Variants in PKD2 observed in about 807,000 individuals in gnomAD.
The protein encoded by PKD2 is polycystin-2.
In PKD2, 48 loss-of-function variants were observed where a neutral mutation model predicts 105.9. That is an observed-to-expected ratio of 0.45 (90% CI 0.36 to 0.58). The LOEUF (loss-of-function observed/expected upper bound fraction) is 0.58. PKD2 is among the 20% of genes least tolerant of loss of function. The pLI, the probability that PKD2 is intolerant of heterozygous loss-of-function variation, is 0.00. For missense variants in PKD2, 1,078 were observed against 1,255.3 expected (o/e 0.86, Z 2.13); for synonymous variants, 464 against 481.1 (o/e 0.96, Z 0.46).
chr4:88,032,401 C>T (rs1445431555), intron 2 of PKD2, among the ~76,000 whole-genome samples: 1 of 152,198 alleles, frequency 6.6e-6, no homozygotes, highest in African/African-American at 2.4e-5. Context: ...CGATGGCTCA[C>T]ACCTGTAATC....
chr4:88,046,518 G>T, intron 5 of PKD2, 124 bp from the exon 6 acceptor site: 2 of 727,996 alleles, frequency 2.7e-6, no homozygotes, highest in Admixed American at 3.8e-5. Context: ...CCGCTAGTTT[G>T]GGGGGACTCA....
chr4:88,017,540 G>T (rs553544509), intron 1 of PKD2, among the ~76,000 whole-genome samples: 1 of 152,110 alleles, frequency 6.6e-6, no homozygotes, highest in Non-Finnish European at 1.5e-5. Flanking sequence ...CTCCCATGTA[G>T]CTGGGATTAC....
In PKD2 at chr4:88,023,529, G is replaced by A. The variant is rs529608138; in HGVS notation, c.709+3958G>A. Among the ~76,000 whole-genome samples, 135 of 152,304 alleles carry A rather than the reference G, an allele frequency of 8.9e-4. 1 individual carries two copies. Among genetic ancestry groups the A allele is most frequent in the African/African-American group, 3.2e-3 (133 of 41,570 alleles). ...TATATCACCTTGCATAGTAGGTAGG[G>A]TTTTAAAAAGCAGTTTGGCACAGTA... On this transcript the variant is annotated intron_variant, in intron 2 of 14. Coordinates refer to ENST00000237596, the MANE Select transcript of PKD2 (RefSeq NM_000297.4).
At chr4:88,053,426 C>T (rs773654606) in intron 7 of PKD2, among the ~76,000 whole-genome samples, 10 of 151,972 alleles carry the variant, frequency 6.6e-5, no homozygotes, top group African/African-American at 1.2e-4. Context: ...TTTGGGAGGC[C>T]GAGATAGGTC....
At chr4:88,021,143 C>G (rs1001998149) in intron 2 of PKD2, among the ~76,000 whole-genome samples, 3 of 152,186 alleles carry the variant, frequency 2.0e-5, no homozygotes, top group Non-Finnish European at 4.4e-5. Flanking sequence ...TTTACATATA[C>G]AGACAAATTT....
chr4:88,044,331 A>G (rs1220276843), intron 5 of PKD2, among the ~76,000 whole-genome samples: 2 of 150,234 alleles, frequency 1.3e-5, no homozygotes. Context: ...GCAACACCCA[A>G]ACATCACTAA....
chr4:88,027,278 G>C (rs985163437), intron 2 of PKD2, among the ~76,000 whole-genome samples: 5 of 152,222 alleles, frequency 3.3e-5, no homozygotes, highest in Non-Finnish European at 5.9e-5. Flanking sequence ...AGCTGTCCAA[G>C]GCCATGGGAG....
intron 1 of PKD2, among the ~76,000 whole-genome samples, chr4:88,012,217 CAACCTGTGAAGAAAG>C: frequency 6.6e-6 from 1 of 152,316 alleles, no homozygotes; most frequent in African/African-American, 2.4e-5. Flanking sequence ...ATCCTCACAA[CAACCTGTGAAGAAAG>C]AACTCTCATC....
chr4:88,075,696 A>ATGTGTG lies in PKD2; in HGVS notation c.*4_*9dup. 1.3e-6 allele frequency: 2 copies of ATGTGTG among 1,595,602 alleles called. No individual in the cohort carries two copies. Among genetic ancestry groups the ATGTGTG allele is most frequent in the Non-Finnish European group, 1.7e-6 (2 of 1,163,692 alleles). On this transcript the variant is annotated 3_prime_UTR_variant, in exon 15 of 15. Coordinates refer to ENST00000237596, the MANE Select transcript of PKD2 (RefSeq NM_000297.4). ...GGGAGTTCTAATGTCCACGTATGAT[A>ATGTGTG]TGTGTGTTTCAGTATGTGTGTTTCT...
chr4:88,009,448 C>T (rs1402355706), intron 1 of PKD2, among the ~76,000 whole-genome samples: 1 of 151,866 alleles, frequency 6.6e-6, no homozygotes, highest in Non-Finnish European at 1.5e-5. Context: ...AGCTGTACGA[C>T]CTTGAGCAAG....
intron 4 of PKD2, among the ~76,000 whole-genome samples, chr4:88,041,339 G>T (rs1023204332): frequency 2.0e-5 from 3 of 152,012 alleles, no homozygotes; most frequent in African/African-American, 7.2e-5. Flanking sequence ...TTACCTCTTG[G>T]TTATTGCAGA....
chr4:88,068,099 G>A, intron 13 of PKD2, 38 bp downstream of exon 13: 1 of 1,487,320 alleles, frequency 6.7e-7, no homozygotes, highest in Non-Finnish European at 9.4e-7. Context: ...GCGTTGACAA[G>A]AGTCCACATG....
rs368090546 is a variant in PKD2 at position 88,030,203 on chromosome 4, G to T, written c.710-6017G>T. 7.2e-5 allele frequency among the ~76,000 whole-genome samples: 11 copies of T among 152,196 alleles called. No homozygotes were observed. The South Asian group carries it at 1.7e-3, about 23-fold the overall frequency. Reference sequence around the variant, plus strand: ...GTCTCACTCTGTCACCCAGGCTGGGGTGCAGTGGCATGAACACAGCTCACT... The same window carrying T: ...GTCTCACTCTGTCACCCAGGCTGGGTTGCAGTGGCATGAACACAGCTCACT... On this transcript the variant is annotated intron_variant, in intron 2 of 14. Transcript: ENST00000237596.
intron 1 of PKD2, among the ~76,000 whole-genome samples, chr4:88,018,082 C>T (rs1726620988): frequency 6.6e-6 from 1 of 152,204 alleles, no homozygotes; most frequent in South Asian, 2.1e-4. Flanking sequence ...AACAAACATT[C>T]TGCTTGCTGC....
At chr4:88,061,815 A>G (rs1720583958) in intron 9 of PKD2, 91 bp from the exon 10 acceptor site, 1 of 725,486 alleles carries the variant, frequency 1.4e-6, no homozygotes, top group Admixed American at 1.9e-5. Context: ...GAAAAAAAGG[A>G]TAAACAAAAA....
At position 88,008,212 on chromosome 4, in the gene PKD2, A is replaced by G; in HGVS notation, c.479A>G (p.Gln160Arg). The G allele has an allele frequency of 7.2e-7, 1 of 1,393,828 alleles. No homozygotes were observed. The highest frequency in any genetic ancestry group is 1.6e-5 in the South Asian group (1 of 62,676). The allele number at this position is 1,393,828 out of a possible 1,614,324, so 86.3% of individuals were successfully genotyped here. ...PSGRRRRREDQGPPCPSPVGG... is the reference protein window; with the variant it reads ...PSGRRRRREDRGPPCPSPVGG... ...GGGAGGCGGCGCCGGCGAGAGGACC[A>G]GGGCCCGCCGTGCCCCAGCCCAGTC... Residue 160 changes from glutamine to arginine, a missense_variant, in exon 1 of 15, where the codon CAG (glutamine) becomes CGG (arginine). Around this residue, in one of 2 missense-constraint regions of PKD2, gnomAD observed 868 missense variants for 1,067.3 expected, o/e 0.81. Transcript: ENST00000237596.
intron 7 of PKD2, among the ~76,000 whole-genome samples, chr4:88,053,730 G>C (rs1305981386): frequency 1.3e-5 from 2 of 151,154 alleles, no homozygotes; most frequent in Admixed American, 1.3e-4. Context: ...GCTTGTTCAA[G>C]AGAAACCATC....
In PKD2 at chr4:88,043,274, A is replaced by G; in HGVS notation, c.1136A>G (p.His379Arg). Reference protein sequence around the residue: ...TSEKDLNGSSHWGIIATYSGA... With the variant: ...TSEKDLNGSSRWGIIATYSGA... ...GAAAAAGACTTGAATGGTAGTAGCC[A>G]CTGGGGAATCATTGCAACTTATAGT... Residue 379 changes from histidine to arginine, a missense_variant, in exon 5 of 15, where the codon CAC becomes CGC. By Grantham distance (29) the His-to-Arg change is conservative (BLOSUM62 0). Transcript: ENST00000237596. 1 of 1,613,446 alleles carries G rather than the reference A, an allele frequency of 6.2e-7. No homozygotes were observed. The highest frequency in any genetic ancestry group is 1.3e-5 in the African/African-American group (1 of 75,046).
intron 4 of PKD2, among the ~76,000 whole-genome samples, chr4:88,041,656 G>T (rs557659449): frequency 6.6e-5 from 10 of 152,320 alleles, no homozygotes; most frequent in Admixed American, 4.6e-4. Context: ...ACTGGTACTG[G>T]TTTATGACTA....
Sources: allele counts gnomAD v4.1 joint callset (sites outside exome capture counted in the v4.1 genomes callset), GRCh38; gene constraint gnomAD v4.1.1; regional missense constraint gnomAD v4.1.1; transcripts MANE v1.5; gene names NCBI Gene and HGNC (gene_info 2026-07-23, HGNC 2026-07-21).